ZFAND3: variants seen among roughly 807,000 people sequenced by gnomAD.
ZFAND3 encodes AN1-type zinc finger protein 3.
ZFAND3 carries 10 observed loss-of-function variants against 29.6 expected under a neutral mutation model. The observed-to-expected ratio is 0.34, with a 90% CI of 0.21 to 0.57. The LOEUF (loss-of-function observed/expected upper bound fraction) is 0.57. Among genes scored for constraint, ZFAND3 ranks in the 20% least tolerant of loss-of-function variants. The probability of loss-of-function intolerance (pLI) is 0.86; values close to 1 mark genes in which losing one functional copy is unlikely to be tolerated. For missense variants in ZFAND3, 230 were observed against 304.5 expected (o/e 0.76, Z 1.82); for synonymous variants, 128 against 112.6 (o/e 1.14, Z -0.87).
In ZFAND3 at chr6:38,141,676, C is replaced by T. The variant is rs530114652; in HGVS notation, c.530-10559C>T. Among the ~76,000 whole-genome samples the T allele has an allele frequency of 2.0e-5, 3 of 152,182 alleles. No individual in the cohort carries two copies. The East Asian group carries it at 5.8e-4, about 29-fold the overall frequency. ...GATTTCCACATTCGTTCTCTTTTGTCGGCAGTGACTTCTCAAAGGAGAATG... is the reference window on the plus strand; with the variant it reads ...GATTTCCACATTCGTTCTCTTTTGTTGGCAGTGACTTCTCAAAGGAGAATG... On this transcript the variant is annotated intron_variant, in intron 5 of 5. Transcript: ENST00000287218.
At chr6:37,896,518 CTTT>C (rs1765209369) in intron 1 of ZFAND3, among the ~76,000 whole-genome samples, 1 of 91,108 alleles carries the variant, frequency 1.1e-5, no homozygotes, top group East Asian at 3.7e-4. Flanking sequence ...TCTTTCTTTT[CTTT>C]CTTTCTTTCT....
chr6:37,847,343 A>AG (rs1458883623), intron 1 of ZFAND3, among the ~76,000 whole-genome samples: 2 of 152,060 alleles, frequency 1.3e-5, no homozygotes, highest in African/African-American at 2.4e-5. Flanking sequence ...TGGGAGGCTG[A>AG]GGGGGGCGGA....
At chr6:38,071,744 C>T (rs1764458484) in intron 3 of ZFAND3, among the ~76,000 whole-genome samples, 1 of 152,094 alleles carries the variant, frequency 6.6e-6, no homozygotes, top group South Asian at 2.1e-4. Flanking sequence ...TGTCATCTCT[C>T]TGCACAAGTT....
intron 2 of ZFAND3, among the ~76,000 whole-genome samples, chr6:37,961,968 A>G (rs531350133): frequency 1.3e-5 from 2 of 152,356 alleles, no homozygotes; most frequent in East Asian, 1.9e-4. Flanking sequence ...GGTGTCTGCA[A>G]GTATCAGGAT....
chr6:38,136,423 G>C (rs774579165), intron 5 of ZFAND3, among the ~76,000 whole-genome samples: 19 of 152,202 alleles, frequency 1.2e-4, no homozygotes, highest in Non-Finnish European at 2.6e-4. Flanking sequence ...GGGGAGTACT[G>C]CCTGACTGCT....
At chr6:37,934,373 C>T (rs974197774) in intron 2 of ZFAND3, among the ~76,000 whole-genome samples, 5 of 152,126 alleles carry the variant, frequency 3.3e-5, no homozygotes, top group African/African-American at 9.6e-5. Flanking sequence ...AAACCTTTAT[C>T]ATCCAATATT....
chr6:37,988,183 T>C (rs1049760545), intron 2 of ZFAND3, among the ~76,000 whole-genome samples: 9 of 152,258 alleles, frequency 5.9e-5, no homozygotes, highest in African/African-American at 1.9e-4. Context: ...TCTTTGCCTT[T>C]ACACAGCTGC....
chr6:38,147,432 A>G (rs996271438), intron 5 of ZFAND3, among the ~76,000 whole-genome samples: 4 of 152,254 alleles, frequency 2.6e-5, no homozygotes, highest in Admixed American at 2.0e-4. Flanking sequence ...GCTTTTGTGA[A>G]TAGTGCCACA....
At chr6:37,919,311 G>A (rs965043877) in intron 1 of ZFAND3, among the ~76,000 whole-genome samples, 3 of 152,018 alleles carry the variant, frequency 2.0e-5, no homozygotes, top group African/African-American at 7.3e-5. Context: ...CATATTTAAA[G>A]GTCATGGATT....
At chr6:37,960,796 T>A (rs1762181759) in intron 2 of ZFAND3, among the ~76,000 whole-genome samples, 1 of 151,950 alleles carries the variant, frequency 6.6e-6, no homozygotes, top group South Asian at 2.1e-4. Flanking sequence ...GGAAAAAAAA[T>A]TGACTGGTTT....
At chr6:37,826,343 C>T (rs1362122916) in intron 1 of ZFAND3, among the ~76,000 whole-genome samples, 3 of 152,126 alleles carry the variant, frequency 2.0e-5, no homozygotes, top group Non-Finnish European at 4.4e-5. Flanking sequence ...TGAGGAACAG[C>T]GATCCTGCTC....
At chr6:37,837,773 T>A (rs1375524146) in intron 1 of ZFAND3, among the ~76,000 whole-genome samples, 1 of 152,208 alleles carries the variant, frequency 6.6e-6, no homozygotes, top group Non-Finnish European at 1.5e-5. Flanking sequence ...CCCAAAGTGC[T>A]GGGATTACAG....
chr6:37,939,854 A>G (rs151137020), intron 2 of ZFAND3, among the ~76,000 whole-genome samples: 23 of 152,284 alleles, frequency 1.5e-4, no homozygotes, highest in Admixed American at 6.5e-4. Flanking sequence ...AGCCTGGCCA[A>G]CATGGTGAAA....
chr6:38,131,447 C>T (rs1336288869), intron 5 of ZFAND3, among the ~76,000 whole-genome samples: 1 of 152,130 alleles, frequency 6.6e-6, no homozygotes, highest in Admixed American at 6.5e-5. Context: ...TTTAATGTAC[C>T]CCCAAGTTAG....
chr6:37,895,873 C>G (rs1233395112), intron 1 of ZFAND3, among the ~76,000 whole-genome samples: 2 of 152,150 alleles, frequency 1.3e-5, no homozygotes, highest in Admixed American at 1.3e-4. Context: ...AACATTTAAT[C>G]TAGGGTTCAT....
chr6:37,926,144 A>T (rs1761479601), intron 1 of ZFAND3, among the ~76,000 whole-genome samples: 1 of 152,152 alleles, frequency 6.6e-6, no homozygotes, highest in South Asian at 2.1e-4. Flanking sequence ...GTATGTGAAG[A>T]GTGTTCCGGA....
chr6:38,064,108 A>AT lies in ZFAND3; in HGVS notation c.295+2337dup, dbSNP rs1007957790. 2.6e-5 allele frequency among the ~76,000 whole-genome samples: 4 copies of AT among 152,144 alleles called. 1 individual carries two copies. The highest frequency in any genetic ancestry group is 9.7e-5 in the African/African-American group (4 of 41,426). ...AATATACACCATCCATTTATACCCA[A>AT]TTTTGCATAAAATTTCTCTACAGCT... On this transcript the variant is annotated intron_variant, in intron 3 of 5. Coordinates refer to ENST00000287218, the MANE Select transcript of ZFAND3 (RefSeq NM_021943.3).
At position 37,973,503 on chromosome 6, in the gene ZFAND3, A is replaced by G. The variant is rs1033101126; in HGVS notation, c.112+43504A>G. 9.8e-5 allele frequency among the ~76,000 whole-genome samples: 15 copies of G among 152,368 alleles called. 1 individual carries two copies. Among genetic ancestry groups the G allele is most frequent in the Admixed American group, 5.2e-4 (8 of 15,304 alleles). On this transcript the variant is annotated intron_variant, in intron 2 of 5. Coordinates refer to ENST00000287218, the MANE Select transcript of ZFAND3 (RefSeq NM_021943.3). ...GATAGAAATGTTCTCTATCTGTGCTATCCAACATGGTAGCTACATGTGGTT... is the reference window on the plus strand; with the variant it reads ...GATAGAAATGTTCTCTATCTGTGCTGTCCAACATGGTAGCTACATGTGGTT...
At chr6:37,937,653 C>CAAAAAAAAAAAAAAAA (rs71542151) in intron 2 of ZFAND3, among the ~76,000 whole-genome samples, 2 of 85,490 alleles carry the variant, frequency 2.3e-5, no homozygotes, top group Non-Finnish European at 4.2e-5. Context: ...GACTCCGTCT[C>CAAAAAAAAAAAAAAAA]AAAAAAAAAA....
Sources: gnomAD v4.1 joint callset for allele counts (sites outside exome capture counted in the v4.1 genomes callset) on GRCh38, gnomAD v4.1.1 for gene constraint, MANE v1.5 for transcripts, NCBI Gene and HGNC (gene_info 2026-07-23, HGNC 2026-07-21) for gene names.